ADGB: variants seen among roughly 807,000 people sequenced by gnomAD.
ADGB encodes the protein calpain-7-like protein.
In ADGB, 172 loss-of-function variants were observed where a neutral mutation model predicts 210.5. The observed-to-expected ratio is 0.82, with a 90% CI of 0.72 to 0.93. The LOEUF (loss-of-function observed/expected upper bound fraction) is 0.93, where lower values mean the gene tolerates loss of function less well. Ranked by LOEUF, ADGB falls within the 40% of genes least tolerant of loss-of-function variation. The pLI is 0.00. For missense variants in ADGB, 2,025 were observed against 1,964.8 expected (o/e 1.03, Z -0.58); for synonymous variants, 658 against 662.7 (o/e 0.99, Z 0.11).
At chr6:146,604,996 G>C (rs1033626197) in intron 1 of ADGB, among the ~76,000 whole-genome samples, 1 of 152,058 alleles carries the variant, frequency 6.6e-6, no homozygotes, top group African/African-American at 2.4e-5. Context: ...TTAGTGGGGC[G>C]GTTAGTGCAG....
At chr6:146,725,878 A>T in intron 18 of ADGB, 1 of 422,334 alleles carries the variant, frequency 2.4e-6, no homozygotes, top group Non-Finnish European at 4.3e-6. Context: ...TTTGTCCTAC[A>T]TAATAAGTAA....
At chr6:146,624,151 G>C (rs893145141) in intron 1 of ADGB, among the ~76,000 whole-genome samples, 1 of 151,670 alleles carries the variant, frequency 6.6e-6, no homozygotes, top group Admixed American at 6.6e-5. Context: ...AATTGGTGCT[G>C]TTTCTTCCTT....
At chr6:146,786,976 A>T (rs1446438143) in intron 32 of ADGB, among the ~76,000 whole-genome samples, 1 of 152,192 alleles carries the variant, frequency 6.6e-6, no homozygotes, top group Admixed American at 6.5e-5. Context: ...TAAAACCAAC[A>T]GTCCAGGTGA....
intron 29 of ADGB, among the ~76,000 whole-genome samples, chr6:146,777,764 G>A (rs1777742099): frequency 6.6e-6 from 1 of 152,150 alleles, no homozygotes; most frequent in Non-Finnish European, 1.5e-5. Context: ...TGACAAAAGG[G>A]AAAACTGTAG....
chr6:146,687,158 T>C (rs999123988), intron 10 of ADGB, among the ~76,000 whole-genome samples: 1 of 152,204 alleles, frequency 6.6e-6, no homozygotes, highest in East Asian at 1.9e-4. Flanking sequence ...TAGAAAACAT[T>C]AGCCATGGTT....
At chr6:146,616,246 AT>A (rs1389483464) in intron 1 of ADGB, among the ~76,000 whole-genome samples, 3 of 135,044 alleles carry the variant, frequency 2.2e-5, no homozygotes, top group Non-Finnish European at 4.7e-5. Flanking sequence ...TAATTTGCCT[AT>A]TTTTTAATTG....
intron 17 of ADGB, 95 bp from the exon 18 acceptor site, chr6:146,724,091 T>C: frequency 2.0e-6 from 2 of 998,214 alleles, no homozygotes; most frequent in Non-Finnish European, 2.8e-6. Context: ...TGATTATTGT[T>C]ATTTATGTTG....
chr6:146,785,229 A>G (rs555934062), intron 31 of ADGB, among the ~76,000 whole-genome samples: 14 of 152,190 alleles, frequency 9.2e-5, no homozygotes, highest in African/African-American at 3.4e-4. Flanking sequence ...TAGAGACCCT[A>G]GAGAGTCTCT....
chr6:146,739,949 A>C (rs1777139094), intron 23 of ADGB, among the ~76,000 whole-genome samples: 1 of 152,106 alleles, frequency 6.6e-6, no homozygotes, highest in East Asian at 1.9e-4. Flanking sequence ...TCCCTTATAC[A>C]CTCAGAAATC....
chr6:146,651,546 C>G, intron 3 of ADGB, among the ~76,000 whole-genome samples: 1 of 152,178 alleles, frequency 6.6e-6, no homozygotes, highest in East Asian at 1.9e-4. Context: ...CATGTACCCG[C>G]GGTCCAGGAG....
At chr6:146,664,415 A>T in intron 6 of ADGB, 75 bp downstream of exon 6, 1 of 1,372,918 alleles carries the variant, frequency 7.3e-7, no homozygotes, top group East Asian at 2.7e-5. Context: ...GTATTGCATA[A>T]TTTATTTTTT....
chr6:146,679,649 C>T (rs755162495), intron 9 of ADGB, among the ~76,000 whole-genome samples: 13 of 152,190 alleles, frequency 8.5e-5, no homozygotes, highest in Non-Finnish European at 1.3e-4. Context: ...TTCATAAACC[C>T]ACAGTCTTAC....
intron 2 of ADGB, among the ~76,000 whole-genome samples, chr6:146,640,396 C>T (rs1379299896): frequency 1.3e-5 from 2 of 151,970 alleles, no homozygotes; most frequent in African/African-American, 4.8e-5. Flanking sequence ...AGGGACTCCT[C>T]CCCAAGTGAT....
At chr6:146,745,168 A>G (rs1777211428) in intron 25 of ADGB, among the ~76,000 whole-genome samples, 1 of 152,170 alleles carries the variant, frequency 6.6e-6, no homozygotes. Context: ...ATCTAAACAT[A>G]CCAGAGAGCT....
intron 9 of ADGB, among the ~76,000 whole-genome samples, chr6:146,677,474 T>C (rs188763942): frequency 3.0e-4 from 46 of 152,308 alleles, no homozygotes; most frequent in Non-Finnish European, 5.4e-4. Flanking sequence ...GAAACATGTC[T>C]AGTGATGTGG....
intron 9 of ADGB, among the ~76,000 whole-genome samples, chr6:146,683,339 T>C (rs1461934711): frequency 1.3e-5 from 2 of 152,124 alleles, no homozygotes; most frequent in African/African-American, 4.8e-5. Flanking sequence ...ATTTATAAGA[T>C]GTATAAAACT....
intron 16 of ADGB, among the ~76,000 whole-genome samples, chr6:146,720,432 C>T (rs536519875): frequency 2.0e-4 from 30 of 152,034 alleles, no homozygotes; most frequent in African/African-American, 6.8e-4. Flanking sequence ...ATACATGTAA[C>T]GTTTATGTAA....
At chr6:146,770,494 C>A in intron 29 of ADGB, 1 of 422,072 alleles carries the variant, frequency 2.4e-6, no homozygotes. Flanking sequence ...GTTCCTCTCT[C>A]ATTGGGCAGG....
chr6:146,668,232 A>G (rs1041642525), intron 7 of ADGB, among the ~76,000 whole-genome samples: 1 of 152,080 alleles, frequency 6.6e-6, no homozygotes, highest in Non-Finnish European at 1.5e-5. Flanking sequence ...TGACTTTTAC[A>G]AGATGATTAA....
Sources: allele counts gnomAD v4.1 joint callset (sites outside exome capture counted in the v4.1 genomes callset), GRCh38; gene constraint gnomAD v4.1.1; transcripts MANE v1.5; gene names NCBI Gene and HGNC (gene_info 2026-07-23, HGNC 2026-07-21).